The following TCOF1 variants were observed in gnomAD, a reference collection of about 807,000 sequenced individuals.
The protein encoded by TCOF1 is treacle ribosome biogenesis factor 1.
A neutral mutation model predicts 149.0 loss-of-function variants in TCOF1; 33 were observed. That is an observed-to-expected ratio of 0.22 (90% confidence interval 0.17 to 0.30). The LOEUF (loss-of-function observed/expected upper bound fraction) is 0.30, where lower values mean the gene tolerates loss of function less well. TCOF1 is among the 10% of genes least tolerant of loss of function. The pLI, the probability that TCOF1 is intolerant of heterozygous loss-of-function variation, is 1.00. For synonymous variants in TCOF1, 789 were observed against 738.8 expected (o/e 1.07, Z -1.10); for missense variants, 1,728 against 1,840.7 (o/e 0.94, Z 1.12).
intron 6 of TCOF1, among the ~76,000 whole-genome samples, chr5:150,370,504 C>T (rs537791121): frequency 1.1e-4 from 16 of 152,124 alleles, no homozygotes; most frequent in East Asian, 3.9e-4. Context: ...TACAGGTGCA[C>T]GCCACCACGC....
At chr5:150,381,451 A>C (rs1765155828) in intron 17 of TCOF1, among the ~76,000 whole-genome samples, 1 of 152,186 alleles carries the variant, frequency 6.6e-6, no homozygotes, top group Admixed American at 6.5e-5. Context: ...CCAGAAAAGG[A>C]GGAGATGATT....
At chr5:150,380,759 A>G (rs1339182823) in intron 17 of TCOF1, 1 of 152,340 alleles carries the variant, frequency 6.6e-6, no homozygotes, top group Non-Finnish European at 1.5e-5. Flanking sequence ...CTGTAATCCC[A>G]GCACTTTGGG....
At chr5:150,371,628 C>G (rs958864083) in intron 6 of TCOF1, among the ~76,000 whole-genome samples, 4 of 152,162 alleles carry the variant, frequency 2.6e-5, no homozygotes, top group Non-Finnish European at 5.9e-5. Context: ...AGGAGGGCTG[C>G]TGTGATCAGA....
rs1763547151 is a variant in TCOF1 at position 150,375,464 on chromosome 5, G to A, written c.1614G>A (p.Val538=). The A allele has an allele frequency of 6.2e-7, 1 of 1,614,012 alleles. No individual in the cohort carries two copies. The highest frequency in any genetic ancestry group is 8.5e-7 in the Non-Finnish European group (1 of 1,180,000). The change falls in exon 11 of 27, where the codon GTG becomes GTA. Residue 538 remains valine (V), a synonymous_variant. Coordinates refer to ENST00000643257, the MANE Select transcript of TCOF1 (RefSeq NM_001371623.1). ...GGCCTGCAACCCCCTCAGCCCAGGT[G>A]GGGAAGTGGGAGGAGGACTCAGAGA... ...KVGPATPSAQ[V]GKWEEDSESS...
At chr5:150,386,507 C>T (rs1766333806) in intron 17 of TCOF1, among the ~76,000 whole-genome samples, 1 of 152,188 alleles carries the variant, frequency 6.6e-6, no homozygotes, top group South Asian at 2.1e-4. Flanking sequence ...CTCAGGCAGG[C>T]ACCTTTCTGT....
At chr5:150,370,548 G>A (rs1055732064) in intron 6 of TCOF1, among the ~76,000 whole-genome samples, 6 of 152,130 alleles carry the variant, frequency 3.9e-5, no homozygotes, top group Admixed American at 1.3e-4. Flanking sequence ...TGGAGACAGG[G>A]TTTCACCATG....
At position 150,374,216 on chromosome 5, in the gene TCOF1, G is replaced by A; in HGVS notation, c.913G>A (p.Ala305Thr). 6.2e-7 allele frequency: 1 copy of A among 1,612,788 alleles called. No homozygotes were observed. The highest frequency in any genetic ancestry group is 1.3e-5 in the African/African-American group (1 of 75,026). Reference protein sequence around the residue: ...EKILQVRAASAPAKGTPGKGA... With the variant: ...EKILQVRAASTPAKGTPGKGA... Reference sequence around the variant, plus strand: ...AATTCTCCAGGTCAGAGCTGCCTCAGCCCCTGCCAAGGGGACCCCTGGGAA... The same window carrying A: ...AATTCTCCAGGTCAGAGCTGCCTCAACCCCTGCCAAGGGGACCCCTGGGAA... Residue 305 changes from alanine to threonine, a missense_variant, in exon 8 of 27, where the codon GCC becomes ACC. Around this residue, in one of 2 missense-constraint regions of TCOF1, gnomAD observed 1,696 missense variants for 1,765.4 expected, o/e 0.96. Transcript: ENST00000643257.
At chr5:150,394,061 C>T (rs1398347828) in intron 23 of TCOF1, 3 of 194,748 alleles carry the variant, frequency 1.5e-5, no homozygotes, top group East Asian at 2.7e-4. Context: ...CTCCCATGGC[C>T]CTGGACAGCC....
intron 17 of TCOF1, among the ~76,000 whole-genome samples, chr5:150,381,655 T>G (rs183297088): frequency 3.9e-5 from 6 of 152,278 alleles, no homozygotes; most frequent in Middle Eastern, 3.2e-3. Context: ...GGCCATATTT[T>G]GGGCTGTGTA....
rs80019258 is a variant in TCOF1, at chr5:150,383,256, A to C, written c.2859+3524A>C. On this transcript the variant is annotated intron_variant, in intron 17 of 26. Transcript: ENST00000643257. Reference sequence around the variant, plus strand: ...GCAGGAGAGGGCAGATCTTGCCCATAGGGAAAATCTCGCCATATTTAAACA... The same window carrying C: ...GCAGGAGAGGGCAGATCTTGCCCATCGGGAAAATCTCGCCATATTTAAACA... 4.3e-3 allele frequency: 5,096 copies of C among 1,193,628 alleles called. 168 individuals are homozygous for C. The African/African-American group carries it at 0.07, about 16-fold the overall frequency. The allele number at this position is 1,193,628 out of a possible 1,614,324, so 73.9% of individuals were successfully genotyped here.
In TCOF1 at chr5:150,392,786, C is replaced by G. The variant is rs1767709928; in HGVS notation, c.3599C>G (p.Ser1200Cys). 6.2e-7 allele frequency: 1 copy of G among 1,613,828 alleles called. No individual in the cohort carries two copies. Among genetic ancestry groups the G allele is most frequent in the South Asian group, 1.1e-5 (1 of 91,058 alleles). The change falls in exon 22 of 27, where the codon TCC (serine) becomes TGC (cysteine). Residue 1200 changes from serine (S) to cysteine (C), a missense_variant. Ser to Cys is a moderately radical substitution (Grantham distance 112). Around this residue, in one of 2 missense-constraint regions of TCOF1, gnomAD observed 1,696 missense variants for 1,765.4 expected, o/e 0.96. Coordinates refer to ENST00000643257, the MANE Select transcript of TCOF1 (RefSeq NM_001371623.1). ...AGCGAGGATGATGTGGTGGCGCCAT[C>G]CCAGGTAACTGCAAGGGAGAGGACT... ...ESSEDDVVAP[S>C]QSLLSGYMTP...
chr5:150,394,206 T>G (rs1384674461), intron 23 of TCOF1: 2 of 154,394 alleles, frequency 1.3e-5, no homozygotes, highest in African/African-American at 4.8e-5. Flanking sequence ...CAACTTTTCT[T>G]CCCTGTAAAT....
chr5:150,374,435 G>C, intron 8 of TCOF1, 49 bp downstream of exon 8: 1 of 1,550,348 alleles, frequency 6.5e-7, no homozygotes, highest in Non-Finnish European at 8.7e-7. Flanking sequence ...GTCCCCAGAA[G>C]GCCTTCTCAG....
chr5:150,393,239 C>T, intron 22 of TCOF1, 133 bp from the exon 23 acceptor site: 1 of 1,063,042 alleles, frequency 9.4e-7, no homozygotes, highest in Non-Finnish European at 1.4e-6. Flanking sequence ...TTGTTGTCCA[C>T]CCACTCTGCA....
At chr5:150,361,106 T>G in intron 1 of TCOF1, 50 bp from the exon 2 acceptor site, 1 of 1,612,574 alleles carries the variant, frequency 6.2e-7, no homozygotes, top group Non-Finnish European at 8.5e-7. Flanking sequence ...CCAAGAAGGA[T>G]CCTTACTGTG....
chr5:150,357,881 G>T (rs1454335141), intron 1 of TCOF1, 27 bp downstream of exon 1: 1 of 1,546,076 alleles, frequency 6.5e-7, no homozygotes, highest in Non-Finnish European at 8.7e-7. Flanking sequence ...CGTGTGCGAG[G>T]GCCGCGTGCA....
chr5:150,370,243 T>C (rs895138940), intron 6 of TCOF1, among the ~76,000 whole-genome samples: 1 of 152,142 alleles, frequency 6.6e-6, no homozygotes, highest in Admixed American at 6.5e-5. Flanking sequence ...ATGGCTGCTA[T>C]GAAGTGGAAA....
At position 150,372,061 on chromosome 5, in the gene TCOF1, A is replaced by C; in HGVS notation, c.695A>C (p.Glu232Ala). The change falls in exon 7 of 27, where the codon GAG (glutamate) becomes GCG (alanine). Residue 232 changes from glutamate to alanine, a missense_variant. Around this residue, in one of 2 missense-constraint regions of TCOF1, gnomAD observed 1,696 missense variants for 1,765.4 expected, o/e 0.96. Transcript: ENST00000643257. ...QVKASSVSTK[E>A]SPARKAAPAP... is the part of the protein sequence containing the mutation. Reference sequence around the variant, plus strand: ...AAAGCCTCATCAGTTTCTACTAAGGAGTCTCCAGCAAGAAAGGCGGCCCCA... The same window carrying C: ...AAAGCCTCATCAGTTTCTACTAAGGCGTCTCCAGCAAGAAAGGCGGCCCCA... The C allele has an allele frequency of 6.2e-7, 1 of 1,614,228 alleles. No individual in the cohort carries two copies. Among genetic ancestry groups the C allele is most frequent in the Non-Finnish European group, 8.5e-7 (1 of 1,180,042 alleles).
chr5:150,388,238 T>C, intron 18 of TCOF1, 150 bp downstream of exon 18: 1 of 1,060,080 alleles, frequency 9.4e-7, no homozygotes, highest in Non-Finnish European at 1.4e-6. Context: ...CATTAGCCAT[T>C]CTGATTAGGG....
Sources: gnomAD v4.1 joint callset for allele counts (sites outside exome capture counted in the v4.1 genomes callset) on GRCh38, gnomAD v4.1.1 for gene constraint, gnomAD v4.1.1 regional missense constraint, MANE v1.5 for transcripts, NCBI Gene and HGNC (gene_info 2026-07-23, HGNC 2026-07-21) for gene names.